SAMTOR: variants seen among roughly 807,000 people sequenced by gnomAD.
The protein encoded by SAMTOR is S-adenosylmethionine sensor upstream of mTORC1, also known as UPF0532 protein C7orf60.
the SAMTOR span, among the ~76,000 whole-genome samples, chr7:112,860,633 T>C: frequency 6.6e-6 from 1 of 152,148 alleles, no homozygotes; most frequent in African/African-American, 2.4e-5. Context: ...CCAGGCGCCG[T>C]GGCTCACGCC....
chr7:112,885,362 T>G, the SAMTOR span, among the ~76,000 whole-genome samples: 1 of 152,062 alleles, frequency 6.6e-6, no homozygotes, highest in Non-Finnish European at 1.5e-5. Context: ...AGAAAACGGG[T>G]TTTTCTTTTC....
chr7:112,923,589 T>C, the SAMTOR span, among the ~76,000 whole-genome samples: 7 of 152,320 alleles, frequency 4.6e-5, no homozygotes, highest in South Asian at 8.3e-4. Context: ...TTTTACACTA[T>C]TGGTGGGACT....
At chr7:112,821,461 C>G in the SAMTOR span, 1 of 233,228 alleles carries the variant, frequency 4.3e-6, no homozygotes, top group Non-Finnish European at 8.2e-6. Context: ...TGCTTGTTTT[C>G]ACAATAGCAC....
At chr7:112,825,454 C>T in the SAMTOR span, among the ~76,000 whole-genome samples, 5 of 152,032 alleles carry the variant, frequency 3.3e-5, no homozygotes, top group Non-Finnish European at 7.4e-5. Flanking sequence ...TTTTTGATGC[C>T]AGAGTATGGT....
the SAMTOR span, among the ~76,000 whole-genome samples, chr7:112,839,110 G>C: frequency 6.6e-6 from 1 of 151,774 alleles, no homozygotes; most frequent in African/African-American, 2.4e-5. Context: ...GTTAAGCCTC[G>C]ATGATCTTAT....
At chr7:112,914,277 T>A in the SAMTOR span, among the ~76,000 whole-genome samples, 1 of 110 alleles carries the variant, frequency 9.1e-3, no homozygotes, top group African/African-American at 0.028. Flanking sequence ...TAGCCTCTAG[T>A]TTTTTTTTTT....
the SAMTOR span, among the ~76,000 whole-genome samples, chr7:112,841,152 C>A: frequency 6.6e-6 from 1 of 151,984 alleles, no homozygotes; most frequent in Non-Finnish European, 1.5e-5. Flanking sequence ...TGTCTCTTTG[C>A]AGATGACATG....
the SAMTOR span, among the ~76,000 whole-genome samples, chr7:112,875,497 C>G: frequency 2.0e-5 from 3 of 151,952 alleles, no homozygotes; most frequent in Non-Finnish European, 2.9e-5. Context: ...ATGAATTTAC[C>G]TTAGATATTC....
the SAMTOR span, among the ~76,000 whole-genome samples, chr7:112,874,488 A>G: frequency 1.3e-5 from 2 of 152,240 alleles, no homozygotes; most frequent in African/African-American, 4.8e-5. Flanking sequence ...GGGGACTCCA[A>G]ACGTAGAGGA....
chr7:112,846,784 A>G, the SAMTOR span, among the ~76,000 whole-genome samples: 5 of 152,194 alleles, frequency 3.3e-5, no homozygotes, highest in African/African-American at 1.2e-4. Flanking sequence ...CATTTAAAAA[A>G]TTGTATCTGT....
At chr7:112,919,075 A>G in the SAMTOR span, among the ~76,000 whole-genome samples, 1 of 152,214 alleles carries the variant, frequency 6.6e-6, no homozygotes, top group African/African-American at 2.4e-5. Flanking sequence ...CAGGAACTGA[A>G]CTCAGCTCTG....
chr7:112,896,702 A>G, the SAMTOR span, among the ~76,000 whole-genome samples: 43 of 152,352 alleles, frequency 2.8e-4, no homozygotes, highest in African/African-American at 9.9e-4. Flanking sequence ...CTGTTACCTC[A>G]GTAAAGGACA....
chr7:112,842,885 T>C, the SAMTOR span, among the ~76,000 whole-genome samples: 1 of 151,996 alleles, frequency 6.6e-6, no homozygotes, highest in Non-Finnish European at 1.5e-5. Flanking sequence ...CATTAATATA[T>C]GCAATGCACA....
chr7:112,893,493 C>G, the SAMTOR span, among the ~76,000 whole-genome samples: 4 of 152,172 alleles, frequency 2.6e-5, no homozygotes, highest in East Asian at 7.7e-4. Flanking sequence ...GAGTTAGACC[C>G]TTGCTCTGGA....
the SAMTOR span, among the ~76,000 whole-genome samples, chr7:112,891,212 G>A: frequency 6.6e-6 from 1 of 152,098 alleles, no homozygotes; most frequent in East Asian, 1.9e-4. Flanking sequence ...ATTTAAGAAT[G>A]TCCATAACAC....
At chr7:112,925,205 A>G in the SAMTOR span, among the ~76,000 whole-genome samples, 1,347 of 152,328 alleles carry the variant, frequency 8.8e-3, 19 homozygotes, top group African/African-American at 0.031. Flanking sequence ...TCATAAACCC[A>G]TGATGGTACA....
At chr7:112,903,315 C>CA in the SAMTOR span, among the ~76,000 whole-genome samples, 114 of 92,620 alleles carry the variant, frequency 1.2e-3, no homozygotes, top group South Asian at 1.9e-3. Flanking sequence ...TGTCTCAAAA[C>CA]AAAAAAAAAA....
the SAMTOR span, among the ~76,000 whole-genome samples, chr7:112,866,405 A>C: frequency 1.2e-4 from 19 of 152,236 alleles, no homozygotes; most frequent in African/African-American, 4.6e-4. Context: ...ATATTATAAA[A>C]CTTGGAATAG....
At chr7:112,830,760 G>T in the SAMTOR span, among the ~76,000 whole-genome samples, 1 of 152,158 alleles carries the variant, frequency 6.6e-6, no homozygotes, top group South Asian at 2.1e-4. Context: ...TCATCAAAAT[G>T]ATTCATAATC....
Sources: gnomAD v4.1 joint callset for allele counts (sites outside exome capture counted in the v4.1 genomes callset) on GRCh38, gnomAD v4.1.1 for gene constraint, MANE v1.5 for transcripts, NCBI Gene and HGNC (gene_info 2026-07-23, HGNC 2026-07-21) for gene names.